Variants in NRXN3 observed in about 807,000 individuals in gnomAD.
The protein encoded by NRXN3 is neurexin III.
Under a neutral mutation model 137.6 loss-of-function variants are expected in NRXN3, and 32 were observed. The ratio of observed to expected loss-of-function variants is 0.23; its 90% CI spans 0.18 to 0.31. NRXN3 has a LOEUF of 0.31. Among genes scored for constraint, NRXN3 ranks in the 10% least tolerant of loss-of-function variants. NRXN3 has a pLI of 1.00. For synonymous variants in NRXN3, 798 were observed against 784.5 expected (o/e 1.02, Z -0.29); for missense variants, 1,574 against 2,062.5 (o/e 0.76, Z 4.59).
chr14:79,151,812 C>A (rs952069944), intron 15 of NRXN3, among the ~76,000 whole-genome samples: 1 of 151,964 alleles, frequency 6.6e-6, no homozygotes, highest in Non-Finnish European at 1.5e-5. Flanking sequence ...TAAATCCCTA[C>A]AATATGTTTT....
intron 4 of NRXN3, among the ~76,000 whole-genome samples, chr14:78,389,141 T>C (rs1234971417): frequency 6.6e-6 from 1 of 151,842 alleles, no homozygotes; most frequent in Non-Finnish European, 1.5e-5. Context: ...CTGCAAACTT[T>C]GCCTCCTGGG....
chr14:78,276,004 G>T (rs899838715), intron 2 of NRXN3, among the ~76,000 whole-genome samples: 14 of 152,158 alleles, frequency 9.2e-5, no homozygotes, highest in African/African-American at 3.4e-4. Context: ...TCTTGGGCCA[G>T]GGGCCAGGTG....
chr14:78,296,264 C>T (rs1033275830), intron 3 of NRXN3, among the ~76,000 whole-genome samples: 1 of 152,024 alleles, frequency 6.6e-6, no homozygotes, highest in African/African-American at 2.4e-5. Flanking sequence ...CAGGGTTTCA[C>T]TATGTTGCCC....
intron 15 of NRXN3, among the ~76,000 whole-genome samples, chr14:79,439,444 T>G (rs1192955753): frequency 1.3e-5 from 2 of 152,222 alleles, no homozygotes; most frequent in South Asian, 4.1e-4. Flanking sequence ...AGTTACAGAT[T>G]TGATGGCCTG....
At chr14:78,737,631 G>A (rs1021575592) in intron 8 of NRXN3, among the ~76,000 whole-genome samples, 2 of 152,104 alleles carry the variant, frequency 1.3e-5, no homozygotes, top group African/African-American at 4.8e-5. Flanking sequence ...AAGGGGGGGA[G>A]GGGTAGAAAT....
chr14:78,445,694 A>G (rs551715860), intron 4 of NRXN3, among the ~76,000 whole-genome samples: 15 of 152,288 alleles, frequency 9.8e-5, no homozygotes, highest in Non-Finnish European at 2.1e-4. Context: ...AAGACCAACT[A>G]TTGTTCACTG....
chr14:78,288,541 T>C (rs1023488211), intron 3 of NRXN3, among the ~76,000 whole-genome samples: 7 of 152,230 alleles, frequency 4.6e-5, no homozygotes, highest in Non-Finnish European at 1.0e-4. Context: ...CATCACACCA[T>C]GATCTATGTG....
intron 4 of NRXN3, among the ~76,000 whole-genome samples, chr14:78,474,042 T>C (rs991237923): frequency 6.6e-6 from 1 of 152,292 alleles, no homozygotes; most frequent in Non-Finnish European, 1.5e-5. Flanking sequence ...AGGGCATGAA[T>C]ATCAGGAAGA....
chr14:79,662,448 G>T (rs890901282), intron 16 of NRXN3, among the ~76,000 whole-genome samples: 3 of 152,068 alleles, frequency 2.0e-5, no homozygotes, highest in African/African-American at 7.2e-5. Context: ...AATTATTAGA[G>T]AAGAGTCAGA....
chr14:79,606,230 G>T (rs2543578), intron 16 of NRXN3, among the ~76,000 whole-genome samples: 14,749 of 152,094 alleles, frequency 0.097, 1,056 homozygotes, highest in African/African-American at 0.2. Flanking sequence ...CAATTACCAT[G>T]AAGGCCAAAA....
At chr14:78,236,729 T>TG (rs1567041822) in intron 1 of NRXN3, among the ~76,000 whole-genome samples, 2 of 141,386 alleles carry the variant, frequency 1.4e-5, no homozygotes, top group Non-Finnish European at 3.1e-5. Context: ...TAGGTATTAT[T>TG]CCCCCCCCCC....
At chr14:79,267,324 G>A (rs1300444484) in intron 15 of NRXN3, among the ~76,000 whole-genome samples, 1 of 151,696 alleles carries the variant, frequency 6.6e-6, no homozygotes, top group African/African-American at 2.4e-5. Flanking sequence ...TTAAGAGAAA[G>A]CATCTCATTT....
intron 15 of NRXN3, among the ~76,000 whole-genome samples, chr14:79,326,595 A>G (rs981489079): frequency 5.3e-5 from 8 of 152,196 alleles, no homozygotes; most frequent in Admixed American, 4.6e-4. Context: ...AATAACAAGA[A>G]AGAATATTGT....
At chr14:78,699,873 T>C (rs141317529) in intron 6 of NRXN3, among the ~76,000 whole-genome samples, 230 of 152,316 alleles carry the variant, frequency 1.5e-3, no homozygotes, top group African/African-American at 5.4e-3. Context: ...GCTTCTACTA[T>C]GTGCCACACA....
chr14:79,207,021 G>A (rs1325749498), intron 15 of NRXN3, among the ~76,000 whole-genome samples: 1 of 152,088 alleles, frequency 6.6e-6, no homozygotes, highest in Admixed American at 6.6e-5. Context: ...ATCCAGGGGC[G>A]ATGTCCCCCA....
intron 4 of NRXN3, among the ~76,000 whole-genome samples, chr14:78,304,696 G>A (rs977768903): frequency 4.6e-5 from 7 of 152,188 alleles, no homozygotes; most frequent in African/African-American, 1.7e-4. Context: ...CCAAAAGCCA[G>A]CAGGGACCTG....
At chr14:78,778,732 C>CTT (rs1567285328) in intron 8 of NRXN3, among the ~76,000 whole-genome samples, 46 of 64,628 alleles carry the variant, frequency 7.1e-4, no homozygotes, top group South Asian at 1.6e-3. Context: ...CTTTCTTTCT[C>CTT]TCTCTCTTTC....
intron 4 of NRXN3, among the ~76,000 whole-genome samples, chr14:78,333,134 C>G (rs2081038048): frequency 6.6e-6 from 1 of 152,200 alleles, no homozygotes; most frequent in African/African-American, 2.4e-5. Context: ...GCATCCAAAC[C>G]TAAGGCAGAA....
intron 6 of NRXN3, among the ~76,000 whole-genome samples, chr14:78,677,437 A>T (rs2098020288): frequency 6.6e-6 from 1 of 152,026 alleles, no homozygotes; most frequent in South Asian, 2.1e-4. Context: ...GAAAAAAAAA[A>T]ACCCTGGAAG....
Sources: allele counts gnomAD v4.1 joint callset (sites outside exome capture counted in the v4.1 genomes callset), GRCh38; gene constraint gnomAD v4.1.1; transcripts MANE v1.5; gene names NCBI Gene and HGNC (gene_info 2026-07-23, HGNC 2026-07-21).